The following NECAB2 variants were observed in gnomAD, a reference collection of about 807,000 sequenced individuals.
The protein encoded by NECAB2 is N-terminal EF-hand calcium binding protein 2.
NECAB2 carries 68 observed loss-of-function variants against 51.9 expected under a neutral mutation model. The observed-to-expected ratio is 1.31, with a 90% CI of 1.08 to 1.60. The LOEUF (loss-of-function observed/expected upper bound fraction) is 1.60. Ranked by LOEUF, NECAB2 falls within the 40% of genes most tolerant of loss-of-function variation. NECAB2 has a pLI of 0.00. For missense variants in NECAB2, 854 were observed against 490.3 expected (o/e 1.74, Z -7.00); for synonymous variants, 329 against 203.5 (o/e 1.62, Z -5.25).
chr16:83,999,514 G>T (rs1001062503), intron 10 of NECAB2, among the ~76,000 whole-genome samples: 1 of 152,130 alleles, frequency 6.6e-6, no homozygotes, highest in East Asian at 1.9e-4. Context: ...GCACGGAGGT[G>T]TGTCCACCCC....
At chr16:84,000,981 T>A (rs181958953) in intron 11 of NECAB2, among the ~76,000 whole-genome samples, 180 bp downstream of exon 11, 1 of 151,652 alleles carries the variant, frequency 6.6e-6, no homozygotes, top group African/African-American at 2.4e-5. Context: ...GAGCTCTTGG[T>A]GGGTAGTGAG....
At chr16:83,970,432 G>A (rs2084335514) in intron 1 of NECAB2, among the ~76,000 whole-genome samples, 1 of 152,160 alleles carries the variant, frequency 6.6e-6, no homozygotes, top group Non-Finnish European at 1.5e-5. Flanking sequence ...CTTTGAGGAG[G>A]GCTTGGGGAT....
chr16:83,998,329 G>A lies in NECAB2; in HGVS notation c.962+12G>A, dbSNP rs376928112. On this transcript the variant is annotated intron_variant, in intron 10 of 12. Transcript: ENST00000305202. The stretch of plus-strand genomic sequence containing the variant: ...AGGAACTGCTTCCAGTGAGTGAGCT[G>A]CCGAGGCGTGGGTGGGATGGTGGCA... The A allele has an allele frequency of 1.6e-4, 256 of 1,611,626 alleles. No individual in the cohort carries two copies. The highest frequency in any genetic ancestry group is 2.1e-4 in the Non-Finnish European group (245 of 1,179,014).
At chr16:83,992,343 AGCAGTC>A (rs930163859) in intron 6 of NECAB2, among the ~76,000 whole-genome samples, 1 of 150,464 alleles carries the variant, frequency 6.6e-6, no homozygotes, top group Non-Finnish European at 1.5e-5. Flanking sequence ...CTCGTGGCTC[AGCAGTC>A]CCATCTCCCG....
chr16:83,983,702 A>C (rs909791899), intron 5 of NECAB2, among the ~76,000 whole-genome samples: 3 of 152,164 alleles, frequency 2.0e-5, no homozygotes. Flanking sequence ...TTCTTTTATC[A>C]CATTACTGAG....
chr16:83,980,411 G>A (rs572913378), intron 3 of NECAB2, among the ~76,000 whole-genome samples: 2 of 152,278 alleles, frequency 1.3e-5, no homozygotes, highest in East Asian at 3.9e-4. Context: ...ACCAGAACAG[G>A]AAGGGCTCTG....
intron 2 of NECAB2, among the ~76,000 whole-genome samples, chr16:83,976,072 G>A (rs1175053151): frequency 6.6e-6 from 1 of 152,164 alleles, no homozygotes; most frequent in Non-Finnish European, 1.5e-5. Context: ...CTCCCTGTGT[G>A]CAGAGGGGGC....
intron 2 of NECAB2, among the ~76,000 whole-genome samples, chr16:83,972,893 G>A (rs955280749): frequency 2.0e-5 from 3 of 152,148 alleles, no homozygotes; most frequent in South Asian, 2.1e-4. Context: ...CTGACAAAAA[G>A]CACCTTCTTA....
intron 2 of NECAB2, among the ~76,000 whole-genome samples, chr16:83,976,003 T>G (rs1039009369): frequency 6.6e-6 from 1 of 152,118 alleles, no homozygotes; most frequent in African/African-American, 2.4e-5. Flanking sequence ...TGCTGGCCTC[T>G]GTCTGCCTGC....
rs768694442 is a variant in NECAB2 at position 84,000,721 on chromosome 16, C to A, written c.963-3C>A. ...TCCTCCCCCCGACCATCTCCTGTTG[C>A]AGCATCACTGCCGTGAGGCTCTCAG... On this transcript the variant is annotated splice_polypyrimidine_tract_variant and splice_region_variant and intron_variant, in intron 10 of 12. Coordinates refer to ENST00000305202, the MANE Select transcript of NECAB2 (RefSeq NM_019065.3). 6.2e-7 allele frequency: 1 copy of A among 1,613,472 alleles called. No individual in the cohort carries two copies.
chr16:83,973,980 G>A (rs547345654), intron 2 of NECAB2, among the ~76,000 whole-genome samples: 167 of 152,124 alleles, frequency 1.1e-3, no homozygotes, highest in African/African-American at 3.6e-3. Flanking sequence ...TGGCCCCCTC[G>A]GGCACAGATG....
At chr16:83,998,705 T>C (rs16962476) in intron 10 of NECAB2, among the ~76,000 whole-genome samples, 9,805 of 152,182 alleles carry the variant, frequency 0.064, 315 homozygotes, top group East Asian at 0.1. Flanking sequence ...CACACTTAAG[T>C]CCAGGCCCAG....
At chr16:83,990,468 C>G (rs1208854120) in intron 5 of NECAB2, 26 bp from the exon 6 acceptor site, 7 of 1,612,424 alleles carry the variant, frequency 4.3e-6, no homozygotes, top group East Asian at 2.2e-5. Flanking sequence ...CCTTTCCCCT[C>G]AGTGCCTCTT....
At chr16:83,986,536 G>T (rs1488216581) in intron 5 of NECAB2, among the ~76,000 whole-genome samples, 14 of 152,130 alleles carry the variant, frequency 9.2e-5, no homozygotes, top group African/African-American at 2.4e-4. Context: ...AGATAAAGAC[G>T]GGGTCTTGTT....
intron 2 of NECAB2, among the ~76,000 whole-genome samples, chr16:83,977,800 A>G (rs2151087582): frequency 6.6e-6 from 1 of 152,334 alleles, no homozygotes; most frequent in South Asian, 2.1e-4. Flanking sequence ...GAAGTTTGCC[A>G]CATAGATGGG....
intron 10 of NECAB2, among the ~76,000 whole-genome samples, chr16:83,999,417 G>C (rs938405098): frequency 2.0e-5 from 3 of 152,172 alleles, no homozygotes; most frequent in African/African-American, 4.8e-5. Flanking sequence ...CACGGTGGAC[G>C]TAGAGGCTCT....
chr16:83,997,098 G>A (rs1041568699), intron 8 of NECAB2, 118 bp from the exon 9 acceptor site: 3 of 1,196,172 alleles, frequency 2.5e-6, no homozygotes, highest in Admixed American at 1.9e-5. Context: ...TCCCAGCCCT[G>A]TGCAACAGGG....
upstream of NECAB2, among the ~76,000 whole-genome samples, chr16:83,967,564 G>T (rs1281584504): frequency 6.9e-6 from 1 of 144,354 alleles, no homozygotes; most frequent in Non-Finnish European, 1.5e-5. Context: ...TGGATGGAAG[G>T]ATGGTGGGTG....
At chr16:83,965,502 C>A (rs138963538), upstream of NECAB2, 3 of 1,611,654 alleles carry the variant, frequency 1.9e-6, no homozygotes, top group Non-Finnish European at 2.5e-6. Context: ...TACAACATCC[C>A]GGTGATCCAT....
Sources: gnomAD v4.1 joint callset for allele counts (sites outside exome capture counted in the v4.1 genomes callset) on GRCh38, gnomAD v4.1.1 for gene constraint, MANE v1.5 for transcripts, NCBI Gene and HGNC (gene_info 2026-07-23, HGNC 2026-07-21) for gene names.